The following PRKCZ variants were observed in gnomAD, a reference collection of about 807,000 sequenced individuals.
PRKCZ encodes the protein protein kinase C zeta type.
PRKCZ carries 33 observed loss-of-function variants against 79.5 expected under a neutral mutation model. The observed-to-expected ratio is 0.41, with a 90% CI of 0.31 to 0.55. The LOEUF (loss-of-function observed/expected upper bound fraction) is 0.55, where lower values mean the gene tolerates loss of function less well. Among genes scored for constraint, PRKCZ ranks in the 20% least tolerant of loss-of-function variants. PRKCZ has a pLI of 0.19. For synonymous variants in PRKCZ, 342 were observed against 320.9 expected (o/e 1.07, Z -0.70); for missense variants, 578 against 813.5 (o/e 0.71, Z 3.52).
rs1238428664 is a variant in PRKCZ at position 2,082,338 on chromosome 1, C to G, written c.334+22747C>G. Reference sequence around the variant, plus strand: ...TGTTCAAGATGGACTTGGCAAATCACCTCTTTCAAGTTGCCGGCTACCCGG... The same window carrying G: ...TGTTCAAGATGGACTTGGCAAATCAGCTCTTTCAAGTTGCCGGCTACCCGG... On this transcript the variant is annotated intron_variant, in intron 4 of 17. Coordinates refer to ENST00000378567, the MANE Select transcript of PRKCZ (RefSeq NM_002744.6). This position sits in a 1 kb window ranked among gnomAD's most constrained non-coding sequence, Gnocchi z 4.4. 4 of 455,312 alleles carry G rather than the reference C, an allele frequency of 8.8e-6. 1 individual carries two copies. The East Asian group carries it at 2.8e-4, about 32-fold the overall frequency. 28.2% of individuals were successfully genotyped at this position (455,312 alleles called of 1,614,324 possible).
At chr1:2,170,580 C>T (rs534062787) in intron 11 of PRKCZ, among the ~76,000 whole-genome samples, 1 of 152,190 alleles carries the variant, frequency 6.6e-6, no homozygotes, top group African/African-American at 2.4e-5. Context: ...TGCTGGCCCC[C>T]GTCTCATCTC....
At chr1:2,129,898 T>C (rs766889216) in intron 4 of PRKCZ, among the ~76,000 whole-genome samples, 1 of 151,940 alleles carries the variant, frequency 6.6e-6, no homozygotes, top group African/African-American at 2.4e-5. Context: ...GGTTTTTTTG[T>C]TTGTTTGTTT....
chr1:2,081,561 C>G (rs1343079395), intron 4 of PRKCZ, among the ~76,000 whole-genome samples: 2 of 152,202 alleles, frequency 1.3e-5, no homozygotes, highest in Non-Finnish European at 2.9e-5. Context: ...GGTACTGCAG[C>G]CGGAGCTCCA....
intron 4 of PRKCZ, among the ~76,000 whole-genome samples, chr1:2,095,353 C>T (rs1298590594): frequency 1.3e-5 from 2 of 152,138 alleles, no homozygotes; most frequent in African/African-American, 4.8e-5. Flanking sequence ...GAGCCCCATG[C>T]TGTCCTCTGC....
chr1:2,120,227 G>C (rs1365915600), intron 4 of PRKCZ, among the ~76,000 whole-genome samples: 3 of 148,224 alleles, frequency 2.0e-5, no homozygotes, highest in African/African-American at 7.4e-5. Context: ...GAGATTGGTA[G>C]AGCTTCTTGA....
At chr1:2,134,179 C>T (rs1405486440) in intron 4 of PRKCZ, among the ~76,000 whole-genome samples, 2 of 152,362 alleles carry the variant, frequency 1.3e-5, no homozygotes, top group East Asian at 1.9e-4. Context: ...CCTCTTTGAC[C>T]TGCGCTCCTG....
intron 10 of PRKCZ, 66 bp downstream of exon 10, chr1:2,156,158 T>C: frequency 1.4e-6 from 2 of 1,446,106 alleles, no homozygotes; most frequent in Non-Finnish European, 1.9e-6. Flanking sequence ...AGAAGCTAAG[T>C]CTGGTGTGAT....
intron 6 of PRKCZ, chr1:2,145,342 AACCC>A (rs1678276747): frequency 6.6e-6 from 1 of 152,124 alleles, no homozygotes; most frequent in Non-Finnish European, 1.5e-5. Context: ...CTGCAGGCGG[AACCC>A]AGAGGCCCTT....
At position 2,178,346 on chromosome 1, in the gene PRKCZ, C is replaced by T. The variant is rs1353401599; in HGVS notation, c.1575+3033C>T. 6.6e-6 allele frequency among the ~76,000 whole-genome samples: 1 copy of T among 152,248 alleles called. No homozygotes were observed. The highest frequency in any genetic ancestry group is 6.5e-5 in the Admixed American group (1 of 15,284). On this transcript the variant is annotated intron_variant, in intron 16 of 17. Coordinates refer to ENST00000378567, the MANE Select transcript of PRKCZ (RefSeq NM_002744.6). The surrounding 1 kb of genome is among the most constrained non-coding windows in gnomAD (Gnocchi z 4.3). ...GCATTGTCTCCACAAGCTGCACCCA[C>T]ACAGTAGCACGTGGCACTGCCTCCT... is the stretch of plus-strand genomic sequence containing the variant.
At chr1:2,099,299 A>T (rs1302806688) in intron 4 of PRKCZ, among the ~76,000 whole-genome samples, 1 of 152,126 alleles carries the variant, frequency 6.6e-6, no homozygotes, top group Non-Finnish European at 1.5e-5. Flanking sequence ...GACGTCTGAG[A>T]CCTTTTCCCA....
At chr1:2,096,248 G>A (rs1033556420) in intron 4 of PRKCZ, among the ~76,000 whole-genome samples, 1 of 152,018 alleles carries the variant, frequency 6.6e-6, no homozygotes, top group Non-Finnish European at 1.5e-5. Flanking sequence ...GTTTTGTGCA[G>A]TGTGTGCCTG....
At chr1:2,145,967 T>G (rs1678416379) in intron 6 of PRKCZ, 60 bp from the exon 7 acceptor site, 2 of 1,427,342 alleles carry the variant, frequency 1.4e-6, no homozygotes, top group East Asian at 2.3e-5. Context: ...TTACAGAAGC[T>G]ACATTGTAAC....
Position 2,174,857 on chromosome 1 carries a change from A to G in PRKCZ, c.1485+24A>G. The G allele has an allele frequency of 1.2e-6, 2 of 1,609,324 alleles. No individual in the cohort carries two copies. Among genetic ancestry groups the G allele is most frequent in the Middle Eastern group, 1.7e-4 (1 of 6,050 alleles). On this transcript the variant is annotated intron_variant, in intron 15 of 17. Coordinates refer to ENST00000378567, the MANE Select transcript of PRKCZ (RefSeq NM_002744.6). This position sits in a 1 kb window ranked among gnomAD's most constrained non-coding sequence, Gnocchi z 6.2. The stretch of plus-strand genomic sequence containing the variant: ...AGGTACGTTTCTGGCCATGCTGACA[A>G]AATCTCGTTTGTGGCCTCGGTGTTG...
At chr1:2,098,229 A>G (rs1666865751) in intron 4 of PRKCZ, 1 of 152,272 alleles carries the variant, frequency 6.6e-6, no homozygotes, top group African/African-American at 2.4e-5. Flanking sequence ...AATGAAGAAC[A>G]AAGAATGGGG....
intron 4 of PRKCZ, among the ~76,000 whole-genome samples, chr1:2,118,687 A>G (rs1212739855): frequency 7.4e-6 from 1 of 135,160 alleles, no homozygotes; most frequent in Non-Finnish European, 1.6e-5. Flanking sequence ...TCTGATCTGT[A>G]TGATGTTAGT....
At position 2,150,859 on chromosome 1, in the gene PRKCZ, G is replaced by A. The variant is rs1557685445; in HGVS notation, c.757G>A (p.Asp253Asn). The A allele has an allele frequency of 6.2e-7, 1 of 1,614,192 alleles. No individual in the cohort carries two copies. The highest frequency in any genetic ancestry group is 8.5e-7 in the Non-Finnish European group (1 of 1,180,040). ...ISQGLGLQDF[D>N]LIRVIGRGSY... Reference sequence around the variant, plus strand: ...TCAGGGGCTTGGGCTGCAGGACTTTGACCTAATCAGAGTCATCGGGCGCGG... The same window carrying A: ...TCAGGGGCTTGGGCTGCAGGACTTTAACCTAATCAGAGTCATCGGGCGCGG... The change falls in exon 9 of 18, where the codon GAC becomes AAC. Residue 253 changes from aspartate to asparagine, a missense_variant. Asp to Asn is a conservative substitution (Grantham distance 23). Around this residue, in one of 4 missense-constraint regions of PRKCZ, gnomAD observed 243 missense variants for 467.0 expected, o/e 0.52. Coordinates refer to ENST00000378567, the MANE Select transcript of PRKCZ (RefSeq NM_002744.6).
intron 9 of PRKCZ, among the ~76,000 whole-genome samples, chr1:2,151,796 C>T (rs1223509211): frequency 6.6e-6 from 1 of 152,284 alleles, no homozygotes; most frequent in East Asian, 1.9e-4. Context: ...GTTGGGACTA[C>T]AGGCATGAGC....
intron 4 of PRKCZ, among the ~76,000 whole-genome samples, chr1:2,106,812 CCCTCTGGTGGGCGAGGA>C (rs1164009053): frequency 6.2e-4 from 77 of 124,472 alleles, no homozygotes; most frequent in East Asian, 1.4e-3. Context: ...TTCAGCAGGC[CCCTCTGGTGGGCGAGGA>C]CCTCCACACG....
chr1:2,130,945 T>A (rs1674831529), intron 4 of PRKCZ, among the ~76,000 whole-genome samples: 1 of 151,630 alleles, frequency 6.6e-6, no homozygotes, highest in African/African-American at 2.4e-5. Flanking sequence ...CCTGACACAC[T>A]CGGTCTCCAC....
Sources: allele counts gnomAD v4.1 joint callset (sites outside exome capture counted in the v4.1 genomes callset), GRCh38; gene constraint gnomAD v4.1.1; regional missense constraint gnomAD v4.1.1; non-coding constraint Gnocchi (gnomAD v3.1); transcripts MANE v1.5; gene names NCBI Gene and HGNC (gene_info 2026-07-23, HGNC 2026-07-21).